The following LMO2 variants were observed in gnomAD, a reference collection of about 807,000 sequenced individuals.
LMO2 encodes the protein LIM domain only 2.
Under a neutral mutation model 23.2 loss-of-function variants are expected in LMO2, and 20 were observed. The ratio of observed to expected loss-of-function variants is 0.86; its 90% CI spans 0.61 to 1.25. The LOEUF (loss-of-function observed/expected upper bound fraction) is 1.25, where lower values mean the gene tolerates loss of function less well. Among genes scored for constraint, LMO2 ranks in the 50% most tolerant of loss-of-function variants. LMO2 has a pLI of 0.00. For missense variants in LMO2, 270 were observed against 315.3 expected, an observed-to-expected ratio of 0.86 and a Z score of 1.09; for synonymous variants, 123 against 130.2, an observed-to-expected ratio of 0.94 and a Z score of 0.38.
chr11:33,887,435 CCA>C lies in LMO2; in HGVS notation c.-336+4358_-336+4359del, dbSNP rs568651109. Among the ~76,000 whole-genome samples the C allele has an allele frequency of 2.4e-3, 360 of 152,218 alleles. 3 individuals carry two copies. The highest frequency in any genetic ancestry group is 8.3e-3 in the African/African-American group (345 of 41,542). ...ACATATTGCACCCACCCATACTTCT[CCA>C]CAGATATTCAATATGTTTGGGATAG... On this transcript the variant is annotated intron_variant, in intron 1 of 5. Transcript: ENST00000257818.
At chr11:33,877,830 G>T (rs1482230837) in intron 2 of LMO2, among the ~76,000 whole-genome samples, 1 of 151,366 alleles carries the variant, frequency 6.6e-6, no homozygotes, top group Admixed American at 6.6e-5. Flanking sequence ...TGTTAATGAT[G>T]CTCCCTAGGA....
chr11:33,865,339 C>A (rs1856744523), intron 4 of LMO2, among the ~76,000 whole-genome samples: 1 of 152,232 alleles, frequency 6.6e-6, no homozygotes, highest in African/African-American at 2.4e-5. Flanking sequence ...CAGCCCTAAC[C>A]AACTGCACAA....
At chr11:33,861,036 G>A (rs930712787) in intron 5 of LMO2, among the ~76,000 whole-genome samples, 7 of 152,316 alleles carry the variant, frequency 4.6e-5, no homozygotes, top group African/African-American at 1.7e-4. Flanking sequence ...GAGCCTCAGT[G>A]AAATGGCAGC....
At chr11:33,861,226 G>A (rs1030869203) in intron 5 of LMO2, among the ~76,000 whole-genome samples, 5 of 152,244 alleles carry the variant, frequency 3.3e-5, no homozygotes, top group African/African-American at 9.6e-5. Context: ...TAGCATGTTA[G>A]CAGGTGGTTT....
intron 2 of LMO2, among the ~76,000 whole-genome samples, chr11:33,871,598 T>G (rs1017747314): frequency 8.1e-5 from 12 of 147,606 alleles, no homozygotes; most frequent in African/African-American, 3.0e-4. Context: ...AAGTTGGGTT[T>G]TTTTTTTTCC....
intron 4 of LMO2, among the ~76,000 whole-genome samples, chr11:33,867,723 G>A (rs1298979087): frequency 6.6e-6 from 1 of 152,202 alleles, no homozygotes; most frequent in Non-Finnish European, 1.5e-5. Context: ...GATATCTGTT[G>A]TATTAGGAAG....
At chr11:33,866,088 A>G (rs1026798377) in intron 4 of LMO2, among the ~76,000 whole-genome samples, 1 of 152,184 alleles carries the variant, frequency 6.6e-6, no homozygotes, top group East Asian at 1.9e-4. Context: ...TTACCAGGCG[A>G]CCTTGTGTCC....
Position 33,869,877 on chromosome 11 carries a change from G to C in LMO2, c.-161C>G. 3 of 1,051,712 alleles carry C rather than the reference G, an allele frequency of 2.9e-6. No homozygotes were observed. Among genetic ancestry groups the C allele is most frequent in the Non-Finnish European group, 3.4e-6 (3 of 872,972 alleles). The allele number at this position is 1,051,712 out of a possible 1,614,324, so 65.1% of individuals were successfully genotyped here. A position where few individuals can be genotyped will look rare whatever the true frequency, so the allele number is the denominator to read the frequency against. ...CGCCGCCGAGGGCAGAGAGGGGGCG[G>C]CGGCCTAGGGGCGGGGAGGGGACCG... is the stretch of plus-strand genomic sequence containing the variant. On this transcript the variant is annotated 5_prime_UTR_variant, in exon 3 of 6. Coordinates refer to ENST00000257818, the MANE Select transcript of LMO2 (RefSeq NM_005574.4).
chr11:33,871,495 G>A (rs1213428093), intron 2 of LMO2, among the ~76,000 whole-genome samples: 1 of 147,904 alleles, frequency 6.8e-6, no homozygotes, highest in Non-Finnish European at 1.5e-5. Flanking sequence ...TTGAGCCCAG[G>A]AGGTTGAGGC....
At chr11:33,882,080 AC>A in intron 1 of LMO2, among the ~76,000 whole-genome samples, 193 bp from the exon 2 acceptor site, 1 of 152,150 alleles carries the variant, frequency 6.6e-6, no homozygotes, top group East Asian at 1.9e-4. Flanking sequence ...GGCAGGCGGA[AC>A]TTTGGCATCA....
intron 5 of LMO2, among the ~76,000 whole-genome samples, chr11:33,861,631 GCT>G (rs1427481893): frequency 6.6e-6 from 1 of 152,202 alleles, no homozygotes; most frequent in Non-Finnish European, 1.5e-5. Flanking sequence ...TTTCCTGACT[GCT>G]CTGTAAGTTA....
intron 2 of LMO2, among the ~76,000 whole-genome samples, chr11:33,874,901 A>G (rs975520291): frequency 6.6e-6 from 1 of 152,256 alleles, no homozygotes; most frequent in Admixed American, 6.5e-5. Context: ...AAAGCACTGA[A>G]GGAGCCGCCC....
Position 33,869,495 on chromosome 11 carries a change from G to C in LMO2, c.99C>G (p.Gly33=). 8.3e-7 allele frequency: 1 copy of C among 1,199,026 alleles called. No homozygotes were observed. The highest frequency in any genetic ancestry group is 1.0e-6 in the Non-Finnish European group (1 of 963,062). The allele number at this position is 1,199,026 out of a possible 1,614,324, so 74.3% of individuals were successfully genotyped here. Residue 33 remains glycine, a synonymous_variant, in exon 4 of 6, where the codon GGC becomes GGG. Coordinates refer to ENST00000257818, the MANE Select transcript of LMO2 (RefSeq NM_005574.4). ...KRRRRSGGDG[G]GGGGARAPEG... ...CGGGTGCTCGGGCGCCGCCGCCGCC[G>C]CCGCCGTCGCCGCCGCTCCTGCGCC... is the stretch of plus-strand genomic sequence containing the variant.
rs143615858 is a variant in LMO2, at chr11:33,877,557, C to T, written c.-272+4267G>A. 9.1e-3 allele frequency among the ~76,000 whole-genome samples: 1,371 copies of T among 151,250 alleles called. 22 individuals are homozygous for T. Among genetic ancestry groups the T allele is most frequent in the African/African-American group, 0.032 (1,298 of 41,116 alleles). On this transcript the variant is annotated intron_variant, in intron 2 of 5. Transcript: ENST00000257818. Reference sequence around the variant, plus strand: ...TCAGCTCACTGCAACCTCTGCCTCCCGGTTTCAAGTGATTCTCCTGTCTCA... The same window carrying T: ...TCAGCTCACTGCAACCTCTGCCTCCTGGTTTCAAGTGATTCTCCTGTCTCA...
chr11:33,869,651 C>G, intron 3 of LMO2, 59 bp downstream of exon 3: 1 of 1,258,296 alleles, frequency 7.9e-7, no homozygotes, highest in South Asian at 2.4e-5. Flanking sequence ...GAGGCGGGGG[C>G]CGGGGCGCGC....
chr11:33,864,968 G>T lies in LMO2; in HGVS notation c.249-151C>A, dbSNP rs183542568. On this transcript the variant is annotated intron_variant, in intron 4 of 5. Transcript: ENST00000257818. This position sits in a 1 kb window ranked among gnomAD's most constrained non-coding sequence, Gnocchi z 4.8. ...GACAGGACAACACATCCCTTGGCCA[G>T]ACTGCAGAGTCCCAACCAACCTTGG... 2.5e-5 allele frequency: 18 copies of T among 719,074 alleles called. No individual in the cohort carries two copies. The East Asian group carries it at 4.3e-4, about 17-fold the overall frequency. The allele number at this position is 719,074 out of a possible 1,614,324, so 44.5% of individuals were successfully genotyped here.
chr11:33,871,397 AAAAAATAAAAAAT>A (rs1857019340), intron 2 of LMO2, among the ~76,000 whole-genome samples: 1 of 151,788 alleles, frequency 6.6e-6, no homozygotes, highest in Admixed American at 6.6e-5. Context: ...CCGTTTCTAC[AAAAAATAAAAAAT>A]AAAAATAATT....
At chr11:33,863,724 T>C (rs905747741) in intron 5 of LMO2, among the ~76,000 whole-genome samples, 4 of 152,220 alleles carry the variant, frequency 2.6e-5, no homozygotes, top group African/African-American at 9.7e-5. Context: ...GGATGGCCAA[T>C]AGGATGGCCC....
intron 2 of LMO2, chr11:33,870,445 G>C (rs1185082430): frequency 1.0e-6 from 1 of 986,358 alleles, no homozygotes; most frequent in Non-Finnish European, 1.2e-6. Context: ...GCGCGGCTCT[G>C]CGGGCTGCGG....
Sources: allele counts gnomAD v4.1 joint callset (sites outside exome capture counted in the v4.1 genomes callset), GRCh38; gene constraint gnomAD v4.1.1; non-coding constraint Gnocchi (gnomAD v3.1); transcripts MANE v1.5; gene names NCBI Gene and HGNC (gene_info 2026-07-23, HGNC 2026-07-21).